NCKAP1: variants seen among roughly 807,000 people sequenced by gnomAD.
NCKAP1 encodes NCK associated protein 1.
Under a neutral mutation model 151.2 loss-of-function variants are expected in NCKAP1, and 21 were observed. That is an observed-to-expected ratio of 0.14 (90% CI 0.10 to 0.20). The LOEUF (loss-of-function observed/expected upper bound fraction) is 0.20. NCKAP1 is among the 10% of genes least tolerant of loss of function. NCKAP1 has a pLI of 1.00. For synonymous variants in NCKAP1, 484 were observed against 451.8 expected (o/e 1.07, Z -0.90); for missense variants, 933 against 1,352.1 (o/e 0.69, Z 4.86).
chr2:182,976,023 A>G (rs893244870), intron 15 of NCKAP1, among the ~76,000 whole-genome samples: 1 of 152,238 alleles, frequency 6.6e-6, no homozygotes, highest in African/African-American at 2.4e-5. Flanking sequence ...GCCAGTTATT[A>G]AAAGTGAGTA....
Position 182,983,397 on chromosome 2 carries a change from A to G in NCKAP1, c.1005-15T>C. The G allele has an allele frequency of 6.5e-7, 1 of 1,537,868 alleles. No homozygotes were observed. The highest frequency in any genetic ancestry group is 1.7e-4 in the Middle Eastern group (1 of 5,904). ...GCATTGAACCACTATGGGGAAAGACACCATAATAGTTTATCTGCTTCTACT... is the reference window on the plus strand; with the variant it reads ...GCATTGAACCACTATGGGGAAAGACGCCATAATAGTTTATCTGCTTCTACT... On this transcript the variant is annotated splice_polypyrimidine_tract_variant and intron_variant, in intron 10 of 30. Coordinates refer to ENST00000361354, the MANE Select transcript of NCKAP1 (RefSeq NM_013436.5).
At chr2:183,027,287 C>T (rs946822897) in intron 1 of NCKAP1, among the ~76,000 whole-genome samples, 6 of 152,098 alleles carry the variant, frequency 3.9e-5, no homozygotes, top group Admixed American at 2.0e-4. Flanking sequence ...GAAAGTGTTA[C>T]CTGTAGACTT....
Position 183,038,434 on chromosome 2 carries a change from G to GCGGCGGCGTCTC in NCKAP1, c.-347_-336dup, listed in dbSNP as rs1353527725. 5.2e-6 allele frequency: 1 copy of GCGGCGGCGTCTC among 191,440 alleles called. No homozygotes were observed. The highest frequency in any genetic ancestry group is 1.4e-4 in the East Asian group (1 of 7,180). 11.9% of individuals were successfully genotyped at this position (191,440 alleles called of 1,614,324 possible). A position where few individuals can be genotyped will look rare whatever the true frequency, so the allele number is the denominator to read the frequency against. The stretch of plus-strand genomic sequence containing the variant: ...ACTAGGTGTGGCGGCGGCGGCGGCG[G>GCGGCGGCGTCTC]CGGCGGCGTCTCCGGCGGCTGAGAA... On this transcript the variant is annotated 5_prime_UTR_variant, in exon 1 of 31. Coordinates refer to ENST00000361354, the MANE Select transcript of NCKAP1 (RefSeq NM_013436.5).
intron 2 of NCKAP1, among the ~76,000 whole-genome samples, chr2:183,007,519 G>C (rs543195748): frequency 3.3e-5 from 5 of 152,170 alleles, no homozygotes; most frequent in African/African-American, 1.2e-4. Context: ...TAAGGAATCA[G>C]TGCCTACGAG....
At chr2:182,960,789 A>C (rs1697431067) in intron 18 of NCKAP1, among the ~76,000 whole-genome samples, 1 of 152,230 alleles carries the variant, frequency 6.6e-6, no homozygotes, top group African/African-American at 2.4e-5. Context: ...ATCAGAGTGA[A>C]CAGGCAACCT....
At chr2:183,031,925 C>A (rs1431929970) in intron 1 of NCKAP1, among the ~76,000 whole-genome samples, 1 of 152,108 alleles carries the variant, frequency 6.6e-6, no homozygotes. Flanking sequence ...TGCAGCCTTC[C>A]AGAAATTTAG....
intron 2 of NCKAP1, among the ~76,000 whole-genome samples, chr2:183,011,784 G>C (rs1482298059): frequency 6.6e-6 from 1 of 152,212 alleles, no homozygotes; most frequent in African/African-American, 2.4e-5. Context: ...AAGTGGAATT[G>C]CTTTCTTCCT....
rs777491356 is a variant in NCKAP1, at chr2:182,952,935, C to T, written c.2373-12G>A. Reference sequence around the variant, plus strand: ...AAGTTTCCAAATACCTAAGGAGAAACGTAAACTTATAACCGGAAGAAACTG... The same window carrying T: ...AAGTTTCCAAATACCTAAGGAGAAATGTAAACTTATAACCGGAAGAAACTG... On this transcript the variant is annotated splice_polypyrimidine_tract_variant and intron_variant, in intron 21 of 30. Transcript: ENST00000361354. 43 of 1,603,452 alleles carry T rather than the reference C, an allele frequency of 2.7e-5. 2 individuals are homozygous for T. The Admixed American group carries it at 6.3e-4, about 23-fold the overall frequency.
intron 12 of NCKAP1, among the ~76,000 whole-genome samples, chr2:182,981,776 G>A (rs1380887698): frequency 6.6e-6 from 1 of 151,788 alleles, no homozygotes; most frequent in Non-Finnish European, 1.5e-5. Context: ...GGGCATGGTG[G>A]TGGGTGTCTG....
intron 23 of NCKAP1, among the ~76,000 whole-genome samples, chr2:182,944,798 A>G (rs1697066484): frequency 6.6e-6 from 1 of 152,228 alleles, no homozygotes; most frequent in Non-Finnish European, 1.5e-5. Flanking sequence ...TATTTTAAAA[A>G]TGGAAATAAA....
At chr2:183,015,710 C>T (rs1256599634) in intron 2 of NCKAP1, among the ~76,000 whole-genome samples, 2 of 151,206 alleles carry the variant, frequency 1.3e-5, no homozygotes, top group East Asian at 1.9e-4. Flanking sequence ...ATAAAGAAAT[C>T]CAAACCAAGC....
rs1698795847 is a variant in NCKAP1, at chr2:183,021,436, T to TA, written c.219+2369dup. On this transcript the variant is annotated intron_variant, in intron 2 of 30. Coordinates refer to ENST00000361354, the MANE Select transcript of NCKAP1 (RefSeq NM_013436.5). ...GCAACATAGCCAGACCACATCTGGA[T>TA]AAAAAATTAAAAAAAATTTTTAAAA... 5.9e-5 allele frequency among the ~76,000 whole-genome samples: 9 copies of TA among 152,004 alleles called. No homozygotes were observed. The South Asian group carries it at 1.7e-3, about 28-fold the overall frequency.
At chr2:182,977,011 A>T (rs1697837616) in intron 14 of NCKAP1, 60 bp from the exon 15 acceptor site, 3 of 1,204,962 alleles carry the variant, frequency 2.5e-6, no homozygotes. Flanking sequence ...ACAATCTATA[A>T]GCACATTTTA....
intron 23 of NCKAP1, 34 bp downstream of exon 23, chr2:182,952,371 G>T: frequency 1.4e-6 from 2 of 1,390,672 alleles, no homozygotes; most frequent in Non-Finnish European, 2.0e-6. Context: ...AGGAATTAAT[G>T]TTTAAAAGCT....
At position 183,038,237 on chromosome 2, in the gene NCKAP1, C is replaced by A. The variant is rs1415693118; in HGVS notation, c.-138G>T. 7 of 498,324 alleles carry A rather than the reference C, an allele frequency of 1.4e-5. No individual in the cohort carries two copies. Among genetic ancestry groups the A allele is most frequent in the Non-Finnish European group, 2.0e-5 (6 of 301,310 alleles). The allele number at this position is 498,324 out of a possible 1,614,324, so 30.9% of individuals were successfully genotyped here. A position where few individuals can be genotyped will look rare whatever the true frequency, so the allele number is the denominator to read the frequency against. ...TAGGAGAGCGCGCCCATGGCCCTCG[C>A]GCCCCAATCCCGCGCCGGCGACAGA... On this transcript the variant is annotated 5_prime_UTR_variant, in exon 1 of 31. Transcript: ENST00000361354.
chr2:183,029,563 T>C (rs754549833), intron 1 of NCKAP1, among the ~76,000 whole-genome samples: 7 of 151,784 alleles, frequency 4.6e-5, no homozygotes, highest in Admixed American at 2.6e-4. Context: ...AGCTCACACC[T>C]GCAATCCCAG....
At chr2:183,004,838 C>T (rs1273270525) in intron 2 of NCKAP1, among the ~76,000 whole-genome samples, 1 of 147,752 alleles carries the variant, frequency 6.8e-6, no homozygotes, top group African/African-American at 2.5e-5. Context: ...AAGCTTAGAT[C>T]GAGCCACTGC....
chr2:182,995,259 CTG>C (rs1445724188), intron 7 of NCKAP1, among the ~76,000 whole-genome samples: 1 of 152,166 alleles, frequency 6.6e-6, no homozygotes, highest in African/African-American at 2.4e-5. Context: ...TGAATACTCA[CTG>C]TCTCACCAAA....
Position 182,988,697 on chromosome 2 carries a change from T to C in NCKAP1, c.947+333A>G, listed in dbSNP as rs182492053. Among the ~76,000 whole-genome samples, 39 of 152,304 alleles carry C rather than the reference T, an allele frequency of 2.6e-4. No individual in the cohort carries two copies. The East Asian group carries it at 7.3e-3, about 29-fold the overall frequency. ...ACACCCTATTCTAAAATAACACTTA[T>C]AAAAATTTTAAACCTCTAAAATGTA... On this transcript the variant is annotated intron_variant, in intron 9 of 30. Transcript: ENST00000361354.
Sources: gnomAD v4.1 joint callset for allele counts (sites outside exome capture counted in the v4.1 genomes callset) on GRCh38, gnomAD v4.1.1 for gene constraint, MANE v1.5 for transcripts, NCBI Gene and HGNC (gene_info 2026-07-23, HGNC 2026-07-21) for gene names.